The following NOTCH2 variants were observed in gnomAD, a reference collection of about 807,000 sequenced individuals.
NOTCH2 encodes the protein neurogenic locus notch homolog protein 2.
Under a neutral mutation model 235.8 loss-of-function variants are expected in NOTCH2, and 29 were observed. The ratio of observed to expected loss-of-function variants is 0.12; its 90% CI spans 0.09 to 0.17. The LOEUF is 0.17. NOTCH2 is among the 10% of genes least tolerant of loss of function. The probability of loss-of-function intolerance (pLI) is 1.00; values close to 1 mark genes in which losing one functional copy is unlikely to be tolerated. For synonymous variants in NOTCH2, 1,086 were observed against 1,141.5 expected, an observed-to-expected ratio of 0.95 and a Z score of 0.98; for missense variants, 2,285 against 3,150.2, an observed-to-expected ratio of 0.73 and a Z score of 6.57.
intron 11 of NOTCH2, among the ~76,000 whole-genome samples, chr1:119,963,057 C>A (rs1041565800): frequency 1.3e-5 from 2 of 151,956 alleles, no homozygotes; most frequent in South Asian, 2.1e-4. Flanking sequence ...TCCTTAGAAT[C>A]CCCCAAGATG....
chr1:119,912,783 C>A lies in NOTCH2; in HGVS notation c.*2523G>T. On this transcript the variant is annotated 3_prime_UTR_variant, in exon 34 of 34. Coordinates refer to ENST00000256646, the MANE Select transcript of NOTCH2 (RefSeq NM_024408.4). ...TCTTACCTTCCCTTTTATTAGATAC[C>A]ACACAATTCAAGAGTTCTTAAAATC... The A allele has an allele frequency of 4.3e-6, 1 of 233,490 alleles. No homozygotes were observed. 14.5% of individuals were successfully genotyped at this position (233,490 alleles called of 1,614,324 possible).
chr1:119,969,371 A>G (rs1651274582), intron 6 of NOTCH2, 140 bp downstream of exon 6: 2 of 752,238 alleles, frequency 2.7e-6, no homozygotes. Flanking sequence ...CTAGCAGGTT[A>G]CATTTCTGGA....
At chr1:119,953,795 T>G in intron 13 of NOTCH2, 107 bp from the exon 14 acceptor site, 1 of 973,450 alleles carries the variant, frequency 1.0e-6, no homozygotes, top group Non-Finnish European at 1.6e-6. Flanking sequence ...ATCTCATTTC[T>G]ACTTTCATGG....
intron 1 of NOTCH2, among the ~76,000 whole-genome samples, chr1:120,047,569 G>A (rs1345371420): frequency 1.0e-5 from 1 of 100,448 alleles, no homozygotes; most frequent in African/African-American, 4.6e-5. Flanking sequence ...CAGTAATCCC[G>A]GCTACTCGGG....
chr1:120,028,650 C>A (rs1231928208), intron 2 of NOTCH2, among the ~76,000 whole-genome samples: 4 of 137,906 alleles, frequency 2.9e-5, no homozygotes, highest in African/African-American at 1.1e-4. Flanking sequence ...AAAACTAAAT[C>A]CTGGTGTCAG....
intron 22 of NOTCH2, among the ~76,000 whole-genome samples, chr1:119,930,716 T>C (rs1649623144): frequency 6.6e-6 from 1 of 151,350 alleles, no homozygotes; most frequent in Non-Finnish European, 1.5e-5. Flanking sequence ...GAGATGAAGC[T>C]TGCAGTGAGC....
intron 3 of NOTCH2, among the ~76,000 whole-genome samples, chr1:120,000,843 A>G (rs1553205200): frequency 2.0e-5 from 3 of 152,138 alleles, no homozygotes; most frequent in African/African-American, 7.2e-5. Context: ...GAGATAATGG[A>G]TCATCCTAAC....
chr1:119,996,966 C>T (rs587771955), intron 4 of NOTCH2, 31 bp downstream of exon 4: 1 of 1,608,476 alleles, frequency 6.2e-7, no homozygotes, highest in South Asian at 1.1e-5. Flanking sequence ...GGGTTTGTCC[C>T]CTAATCCTGG....
rs781467843 is a variant in NOTCH2, at chr1:119,919,618, A to T, written c.5480-5T>A. The T allele has an allele frequency of 1.9e-6, 3 of 1,613,516 alleles. No individual in the cohort carries two copies. In the East Asian group the frequency reaches 6.7e-5, roughly 36 times the overall value. The stretch of plus-strand genomic sequence containing the variant: ...ACATCAATGGGGTGCAGCCATCTGT[A>T]GGAATGGAAAATTCCATAAAGTACT... On this transcript the variant is annotated splice_polypyrimidine_tract_variant and splice_region_variant and intron_variant, in intron 30 of 33. Coordinates refer to ENST00000256646, the MANE Select transcript of NOTCH2 (RefSeq NM_024408.4).
intron 19 of NOTCH2, among the ~76,000 whole-genome samples, chr1:119,939,201 C>T (rs1553196152): frequency 6.6e-6 from 1 of 152,104 alleles, no homozygotes; most frequent in African/African-American, 2.4e-5. Flanking sequence ...AGATTTTTCC[C>T]CCACTCAATG....
rs2101149596 is a variant in NOTCH2 at position 119,919,365 on chromosome 1, C to T, written c.5728G>A (p.Gly1910Ser). 6.2e-7 allele frequency: 1 copy of T among 1,613,496 alleles called. No homozygotes were observed. The highest frequency in any genetic ancestry group is 8.5e-7 in the Non-Finnish European group (1 of 1,180,030). ...GADANAQDNM[G>S]RCPLHAAVAA... ...ACTGCAGCATGGAGTGGACAGCGGC[C>T]CATGTTGTCCTGGGCATTGGCATCT... Residue 1910 changes from glycine to serine, a missense_variant, in exon 31 of 34, where the codon GGC becomes AGC. By Grantham distance (56) the Gly-to-Ser change is moderately conservative. Coordinates refer to ENST00000256646, the MANE Select transcript of NOTCH2 (RefSeq NM_024408.4).
chr1:119,998,538 C>A (rs1487769012), intron 3 of NOTCH2, among the ~76,000 whole-genome samples: 9 of 151,664 alleles, frequency 5.9e-5, no homozygotes, highest in Non-Finnish European at 1.2e-4. Context: ...GCAGGGGAAG[C>A]AAAGCAGATT....
chr1:120,062,952 T>C (rs1553216485), intron 1 of NOTCH2, among the ~76,000 whole-genome samples: 2 of 152,226 alleles, frequency 1.3e-5, no homozygotes, highest in African/African-American at 4.8e-5. Context: ...CCACAACGTA[T>C]GTTCTGCCAT....
At position 119,948,526 on chromosome 1, in the gene NOTCH2, C is replaced by A. The variant is rs782496620; in HGVS notation, c.2640G>T (p.Lys880Asn). The A allele has an allele frequency of 1.9e-6, 3 of 1,614,180 alleles. No homozygotes were observed. The highest frequency in any genetic ancestry group is 2.5e-6 in the Non-Finnish European group (3 of 1,180,032). The change falls in exon 17 of 34, where the codon AAG (lysine) becomes AAT (asparagine). Residue 880 changes from lysine (K) to asparagine (N), a missense_variant. Lys to Asn is a moderately conservative substitution (Grantham distance 94). Transcript: ENST00000256646. ...GGCAGAGACCATGGTTCATGCAGGG[C>A]TTGGAGATACACTCGTCAATGTCAA... ...CTIDIDECIS[K>N]PCMNHGLCHN... is the part of the protein sequence containing the mutation.
chr1:119,982,940 C>T (rs2101175360), intron 5 of NOTCH2, among the ~76,000 whole-genome samples: 1 of 152,310 alleles, frequency 6.6e-6, no homozygotes, highest in Admixed American at 6.5e-5. Context: ...ACAGATGCTT[C>T]TACAAAGCAG....
In NOTCH2 at chr1:119,997,097, G is replaced by A. The variant is rs150410907; in HGVS notation, c.651C>T (p.Tyr217=). 8 of 1,613,894 alleles carry A rather than the reference G, an allele frequency of 5.0e-6. No individual in the cohort carries two copies. Among genetic ancestry groups the A allele is most frequent in the African/African-American group, 1.3e-5 (1 of 74,952 alleles). The change falls in exon 4 of 34, where the codon TAC becomes TAT. Residue 217 remains tyrosine (Y), a synonymous_variant. Coordinates refer to ENST00000256646, the MANE Select transcript of NOTCH2 (RefSeq NM_024408.4). The stretch of plus-strand genomic sequence containing the variant: ...CACAGGGCACATACAGGCTGTCACA[G>A]TACTGGCCTGTGAAGCCCTGAGGGC... ...CQCPQGFTGQ[Y]CDSLYVPCAP...
chr1:120,046,148 G>A (rs1338536165), intron 1 of NOTCH2, among the ~76,000 whole-genome samples: 16 of 140,886 alleles, frequency 1.1e-4, no homozygotes, highest in Admixed American at 2.2e-4. Context: ...ATACATATGC[G>A]CTCAAGAGTA....
intron 21 of NOTCH2, among the ~76,000 whole-genome samples, chr1:119,936,168 G>A (rs1219878984): frequency 6.6e-6 from 1 of 152,184 alleles, no homozygotes; most frequent in Non-Finnish European, 1.5e-5. Context: ...ATGGCTGTGA[G>A]GTGGCTTTAT....
intron 25 of NOTCH2, among the ~76,000 whole-genome samples, chr1:119,924,676 G>A (rs1467455783): frequency 1.3e-5 from 2 of 152,116 alleles, no homozygotes; most frequent in Non-Finnish European, 2.9e-5. Flanking sequence ...AGCTCAATCA[G>A]AAGATTAGGA....
Sources: allele counts gnomAD v4.1 joint callset (sites outside exome capture counted in the v4.1 genomes callset), GRCh38; gene constraint gnomAD v4.1.1; transcripts MANE v1.5; gene names NCBI Gene and HGNC (gene_info 2026-07-23, HGNC 2026-07-21).